Variants in DNAH10 observed in about 807,000 individuals in gnomAD.
DNAH10 encodes dynein axonemal heavy chain 10.
In DNAH10, 348 loss-of-function variants were observed where a neutral mutation model predicts 506.6. The ratio of observed to expected loss-of-function variants is 0.69; its 90% CI spans 0.63 to 0.75. DNAH10 has a LOEUF of 0.75. DNAH10 is among the 30% of genes least tolerant of loss of function. The pLI is 0.00. For missense variants in DNAH10, 5,179 were observed against 5,787.1 expected, an observed-to-expected ratio of 0.89 and a Z score of 3.41; for synonymous variants, 2,059 against 2,198.6, an observed-to-expected ratio of 0.94 and a Z score of 1.78.
intron 54 of DNAH10, 127 bp from the exon 55 acceptor site, chr12:123,897,643 T>C (rs1953314326): frequency 1.0e-6 from 1 of 958,372 alleles, no homozygotes; most frequent in Non-Finnish European, 1.5e-6. Context: ...GAGGATCACC[T>C]GTGCCCAGGA....
intron 41 of DNAH10, 44 bp downstream of exon 41, chr12:123,866,117 T>C (rs780468695): frequency 1.1e-5 from 17 of 1,511,214 alleles, no homozygotes; most frequent in Middle Eastern, 1.7e-4. Context: ...TTAGTATTGA[T>C]GGCTAGTTGG....
chr12:123,811,824 AG>A (rs1246904612), intron 19 of DNAH10, among the ~76,000 whole-genome samples: 2 of 151,186 alleles, frequency 1.3e-5, no homozygotes, highest in Admixed American at 1.3e-4. Context: ...TTTTTAGTAG[AG>A]ACAGGGTTTC....
rs1275167280 is a variant in DNAH10, at chr12:123,918,725, G to A, written c.11282G>A (p.Arg3761Lys). Residue 3761 changes from arginine to lysine, a missense_variant, in exon 65 of 79, where the codon AGG becomes AAG. By Grantham distance (26) the Arg-to-Lys change is conservative. Coordinates refer to ENST00000673944, the MANE Select transcript of DNAH10 (RefSeq NM_001372106.1). ...LAEKTALDIDRLRDGYRPAAR... is the reference protein window; with the variant it reads ...LAEKTALDIDKLRDGYRPAAR... ...GAGAAGACAGCCTTGGACATCGACA[G>A]GCTGCGGGATGGCTACCGGCCAGCA... 6.3e-7 allele frequency: 1 copy of A among 1,596,160 alleles called. No homozygotes were observed. Among genetic ancestry groups the A allele is most frequent in the African/African-American group, 1.3e-5 (1 of 74,576 alleles).
At chr12:123,910,437 C>A in intron 58 of DNAH10, 99 bp from the exon 59 acceptor site, 1 of 1,447,194 alleles carries the variant, frequency 6.9e-7, no homozygotes, top group Non-Finnish European at 9.4e-7. Flanking sequence ...GCTCACAGGG[C>A]CACTGAAGAA....
intron 43 of DNAH10, among the ~76,000 whole-genome samples, chr12:123,869,573 A>G (rs995923017): frequency 6.6e-6 from 1 of 152,120 alleles, no homozygotes; most frequent in African/African-American, 2.4e-5. Flanking sequence ...CCCTGCTTCA[A>G]CAGGAACAAC....
Position 123,838,698 on chromosome 12 carries a change from T to C in DNAH10, c.5136+9T>C, listed in dbSNP as rs1413727087. 4 of 1,610,928 alleles carry C rather than the reference T, an allele frequency of 2.5e-6. No homozygotes were observed. The highest frequency in any genetic ancestry group is 3.4e-6 in the Non-Finnish European group (4 of 1,178,084). On this transcript the variant is annotated intron_variant, in intron 29 of 78. Transcript: ENST00000673944. ...AGGAGCACATGATCAAGGTCAGCCC[T>C]CTGGGTGTGCAGGGGCTCCCCGTGT...
chr12:123,846,127 C>T lies in DNAH10; in HGVS notation c.5787C>T (p.Thr1929=), dbSNP rs371272986. ...LNGRLVITPL[T]DRIYLTLTQA... Reference sequence around the variant, plus strand: ...GCAGGCTGGTCATCACGCCCCTCACCGATCGGATTTACCTGACGCTCACCC... The same window carrying T: ...GCAGGCTGGTCATCACGCCCCTCACTGATCGGATTTACCTGACGCTCACCC... The change falls in exon 32 of 79, where the codon ACC becomes ACT. Residue 1929 remains threonine, a synonymous_variant. Coordinates refer to ENST00000673944, the MANE Select transcript of DNAH10 (RefSeq NM_001372106.1). The surrounding 1 kb of genome is among the most constrained non-coding windows in gnomAD (Gnocchi z 4.5). 1.1e-5 allele frequency: 17 copies of T among 1,613,586 alleles called. No individual in the cohort carries two copies. The highest frequency in any genetic ancestry group is 4.5e-5 in the East Asian group (2 of 44,898).
intron 21 of DNAH10, among the ~76,000 whole-genome samples, chr12:123,817,949 CTTTTTTT>C (rs369200478): frequency 1.4e-5 from 2 of 138,302 alleles, no homozygotes; most frequent in African/African-American, 5.3e-5. Context: ...TTCTTTTTCT[CTTTTTTT>C]TTTTTTTTTT....
intron 11 of DNAH10, among the ~76,000 whole-genome samples, chr12:123,792,647 G>A (rs1034142685): frequency 1.3e-4 from 20 of 152,120 alleles, no homozygotes; most frequent in African/African-American, 4.6e-4. Context: ...TTTTAGTAGA[G>A]ACAGAGTTTC....
At chr12:123,797,991 G>C (rs1236470742) in intron 13 of DNAH10, among the ~76,000 whole-genome samples, 1 of 152,182 alleles carries the variant, frequency 6.6e-6, no homozygotes, top group East Asian at 1.9e-4. Context: ...AACAGGCGTG[G>C]CTGTGTCCAA....
intron 11 of DNAH10, 46 bp downstream of exon 11, chr12:123,790,167 T>A: frequency 6.3e-7 from 1 of 1,575,846 alleles, no homozygotes; most frequent in South Asian, 1.2e-5. Flanking sequence ...CGACACCATG[T>A]TTTCTCTGTG....
intron 9 of DNAH10, 87 bp downstream of exon 9, chr12:123,786,023 T>C: frequency 7.5e-7 from 1 of 1,328,884 alleles, no homozygotes; most frequent in Non-Finnish European, 1.0e-6. Flanking sequence ...GAGCTATAAT[T>C]CACATATAAT....
intron 10 of DNAH10, among the ~76,000 whole-genome samples, chr12:123,788,368 G>A (rs1007318693): frequency 1.3e-5 from 2 of 152,154 alleles, no homozygotes; most frequent in Admixed American, 6.5e-5. Flanking sequence ...CCCTCAGCCA[G>A]GCCCAGTCTT....
intron 19 of DNAH10, among the ~76,000 whole-genome samples, 170 bp from the exon 20 acceptor site, chr12:123,812,994 T>C (rs941938757): frequency 6.6e-6 from 1 of 152,202 alleles, no homozygotes. Flanking sequence ...AGGCTCCATC[T>C]CTTGATGAGA....
rs1954478133 is a variant in DNAH10, at chr12:123,916,364, A to G, written c.10723-93A>G. ...CTGGCCCCCTCCAAGTTCCTGGCCC[A>G]TCCACTTCCCACTTCCAAGCCATTC... is the stretch of plus-strand genomic sequence containing the variant. On this transcript the variant is annotated intron_variant, in intron 62 of 78. Transcript: ENST00000673944. This position sits in a 1 kb window ranked among gnomAD's most constrained non-coding sequence, Gnocchi z 4.6. 8 of 1,505,498 alleles carry G rather than the reference A, an allele frequency of 5.3e-6. No individual in the cohort carries two copies. Among genetic ancestry groups the G allele is most frequent in the Non-Finnish European group, 7.1e-6 (8 of 1,122,812 alleles). The allele number at this position is 1,505,498 out of a possible 1,614,324, so 93.3% of individuals were successfully genotyped here. A position where few individuals can be genotyped will look rare whatever the true frequency, so the allele number is the denominator to read the frequency against.
Position 123,866,229 on chromosome 12 carries a change from C to CTTTTTTTTTTTTTT in DNAH10, c.7167+174_7167+187dup, listed in dbSNP as rs71088963. On this transcript the variant is annotated intron_variant, in intron 41 of 78. Coordinates refer to ENST00000673944, the MANE Select transcript of DNAH10 (RefSeq NM_001372106.1). Reference sequence around the variant, plus strand: ...AATAAGTGAAAACATGGCAGACACACTTTTTTTTTTTTTTTTTTTTTTTTT... The same window carrying CTTTTTTTTTTTTTT: ...AATAAGTGAAAACATGGCAGACACACTTTTTTTTTTTTTTTTTTTTTTTTTTTTTTTTTTTTTTT... Among the ~76,000 whole-genome samples the CTTTTTTTTTTTTTT allele has an allele frequency of 1.0e-4, 6 of 58,210 alleles. 1 individual carries two copies. Among genetic ancestry groups the CTTTTTTTTTTTTTT allele is most frequent in the African/African-American group, 3.7e-4 (5 of 13,426 alleles). 38.2% of individuals were successfully genotyped at this position (58,210 alleles called of 152,430 possible). A position where few individuals can be genotyped will look rare whatever the true frequency, so the allele number is the denominator to read the frequency against.
chr12:123,880,995 G>T (rs1018539786), intron 50 of DNAH10, among the ~76,000 whole-genome samples: 6 of 151,888 alleles, frequency 4.0e-5, no homozygotes, highest in Non-Finnish European at 7.4e-5. Flanking sequence ...CTTTTTAATG[G>T]ATGCATAGTA....
At chr12:123,805,782 T>G (rs897494734) in intron 18 of DNAH10, among the ~76,000 whole-genome samples, 3 of 150,544 alleles carry the variant, frequency 2.0e-5, no homozygotes, top group African/African-American at 7.3e-5. Context: ...TCTTTTTTTT[T>G]TTTTTTTTGT....
intron 16 of DNAH10, among the ~76,000 whole-genome samples, chr12:123,802,964 T>G (rs1958529884): frequency 6.6e-6 from 1 of 152,182 alleles, no homozygotes; most frequent in Non-Finnish European, 1.5e-5. Flanking sequence ...CTTGGTATAC[T>G]CTAGATACTC....
Sources: allele counts gnomAD v4.1 joint callset (sites outside exome capture counted in the v4.1 genomes callset), GRCh38; gene constraint gnomAD v4.1.1; non-coding constraint Gnocchi (gnomAD v3.1); transcripts MANE v1.5; gene names NCBI Gene and HGNC (gene_info 2026-07-23, HGNC 2026-07-21).